Variants in S100B observed in about 807,000 individuals in gnomAD.
S100B encodes the protein S100 calcium binding protein B, also known as protein S100-B.
A neutral mutation model predicts 7.7 loss-of-function variants in S100B; 6 were observed. The observed-to-expected ratio is 0.78, with a 90% CI of 0.43 to 1.54. The LOEUF (loss-of-function observed/expected upper bound fraction) is 1.54, where lower values mean the gene tolerates loss of function less well. Among genes scored for constraint, S100B ranks in the 40% most tolerant of loss-of-function variants. The probability of loss-of-function intolerance (pLI) is 0.01; values close to 1 mark genes in which losing one functional copy is unlikely to be tolerated. For missense variants in S100B, 99 were observed against 111.8 expected, an observed-to-expected ratio of 0.89 and a Z score of 0.52; for synonymous variants, 36 against 40.4, an observed-to-expected ratio of 0.89 and a Z score of 0.41.
chr21:46,601,521 C>T (rs2300405), intron 2 of S100B, among the ~76,000 whole-genome samples: 41,555 of 152,044 alleles, frequency 0.27, 6,280 homozygotes, highest in Middle Eastern at 0.35. Flanking sequence ...ACAGTGGAGA[C>T]GGTGGGTAGG....
chr21:46,599,891 A>G (rs557465504), intron 2 of S100B, among the ~76,000 whole-genome samples: 9 of 152,350 alleles, frequency 5.9e-5, no homozygotes, highest in East Asian at 1.9e-4. Flanking sequence ...CCCTGTCTCA[A>G]AGGCTTCCAG....
At chr21:46,602,634 C>G in intron 1 of S100B, 1 of 480,778 alleles carries the variant, frequency 2.1e-6, no homozygotes, top group Admixed American at 3.9e-5. Context: ...GTGGGCCTGC[C>G]TTCTCTGTCC....
At chr21:46,600,296 C>G (rs1379427011) in intron 2 of S100B, 1 of 411,352 alleles carries the variant, frequency 2.4e-6, no homozygotes, top group Non-Finnish European at 4.9e-6. Flanking sequence ...AATCCCAGCA[C>G]TTTGGGAAGC....
chr21:46,603,398 T>TGGGGGGGGCGGGGGGGGC lies in S100B; in HGVS notation c.-1-983_-1-982insGCCCCCCCCGCCCCCCCC. Among the ~76,000 whole-genome samples the TGGGGGGGGCGGGGGGGGC allele has an allele frequency of 1.3e-3, 70 of 52,124 alleles. 2 individuals are homozygous for TGGGGGGGGCGGGGGGGGC. Among genetic ancestry groups the TGGGGGGGGCGGGGGGGGC allele is most frequent in the African/African-American group, 4.8e-3 (68 of 14,128 alleles). 34.2% of individuals were successfully genotyped at this position (52,124 alleles called of 152,430 possible). On this transcript the variant is annotated intron_variant, in intron 1 of 2. Transcript: ENST00000291700. ...CAGTGACTGGGACGGCGGGAGGGGG[T>TGGGGGGGGCGGGGGGGGC]GGGGGCAGGAATAGGTGTTTCTCTG...
chr21:46,602,567 G>A lies in S100B; in HGVS notation c.-1-151C>T, dbSNP rs766862687. The A allele has an allele frequency of 1.3e-4, 94 of 703,774 alleles. 1 individual carries two copies. Among genetic ancestry groups the A allele is most frequent in the Non-Finnish European group, 1.9e-4 (84 of 446,778 alleles). 43.6% of individuals were successfully genotyped at this position (703,774 alleles called of 1,614,324 possible). On this transcript the variant is annotated intron_variant, in intron 1 of 2. Transcript: ENST00000291700. ...CAGAGCAGCAGGCATGGCCTGGAGG[G>A]GCATTCTGGGAATTTGCACTTTTAT...
Position 46,599,024 on chromosome 21 carries a change from C to T in S100B, c.*339G>A, listed in dbSNP as rs1378761969. ...TTTTAAGGGTGCCCCGGGGTAATTTCTGTAGTCAGGGTTCCCTCCGGGTTA... is the reference window on the plus strand; with the variant it reads ...TTTTAAGGGTGCCCCGGGGTAATTTTTGTAGTCAGGGTTCCCTCCGGGTTA... On this transcript the variant is annotated 3_prime_UTR_variant, in exon 3 of 3. Coordinates refer to ENST00000291700, the MANE Select transcript of S100B (RefSeq NM_006272.3). 7.7e-6 allele frequency: 2 copies of T among 258,608 alleles called. No individual in the cohort carries two copies. The highest frequency in any genetic ancestry group is 1.4e-5 in the Non-Finnish European group (2 of 139,290). 16.0% of individuals were successfully genotyped at this position (258,608 alleles called of 1,614,324 possible).
At chr21:46,601,067 C>A (rs958069335) in intron 2 of S100B, among the ~76,000 whole-genome samples, 4 of 152,196 alleles carry the variant, frequency 2.6e-5, no homozygotes, top group Non-Finnish European at 4.4e-5. Context: ...CTGAACCATT[C>A]ACGGTGGGGC....
chr21:46,603,213 G>A (rs2061046471), intron 1 of S100B, among the ~76,000 whole-genome samples: 1 of 151,700 alleles, frequency 6.6e-6, no homozygotes, highest in African/African-American at 2.4e-5. Flanking sequence ...AAGAATAACA[G>A]TGAAAGTTAT....
rs747614225 is a variant in S100B at position 46,602,282 on chromosome 21, A to G, written c.134T>C (p.Leu45Ser). 20 of 1,613,024 alleles carry G rather than the reference A, an allele frequency of 1.2e-5. No homozygotes were observed. The highest frequency in any genetic ancestry group is 1.7e-5 in the Non-Finnish European group (20 of 1,179,562). ...AGTTTAAAAAGCAAGACTCACCTCTAAGAAATGGGAAAGCTCATTGTTGAT... is the reference window on the plus strand; with the variant it reads ...AGTTTAAAAAGCAAGACTCACCTCTGAGAAATGGGAAAGCTCATTGTTGAT... ...ELINNELSHF[L>S]EEIKEQEVVD... Residue 45 changes from leucine (L) to serine (S), a missense_variant, in exon 2 of 3, where the codon TTA becomes TCA. Coordinates refer to ENST00000291700, the MANE Select transcript of S100B (RefSeq NM_006272.3).
At chr21:46,601,284 G>T (rs566389060) in intron 2 of S100B, among the ~76,000 whole-genome samples, 1 of 152,312 alleles carries the variant, frequency 6.6e-6, no homozygotes, top group South Asian at 2.1e-4. Context: ...ACACTAGTGC[G>T]CTGGCTCATT....
At position 46,598,755 on chromosome 21, in the gene S100B, G is replaced by A. The variant is rs796660228; in HGVS notation, c.*608C>T. Among the ~76,000 whole-genome samples, 27 of 152,358 alleles carry A rather than the reference G, an allele frequency of 1.8e-4. No homozygotes were observed. The highest frequency in any genetic ancestry group is 6.3e-4 in the African/African-American group (26 of 41,596). On this transcript the variant is annotated 3_prime_UTR_variant, in exon 3 of 3. Coordinates refer to ENST00000291700, the MANE Select transcript of S100B (RefSeq NM_006272.3). ...TCGCATGGGTCACGGAGGCCACGCT[G>A]GAGCCCCCAGAGCTGGCTCGGATTG... is the stretch of plus-strand genomic sequence containing the variant.
Position 46,602,418 on chromosome 21 carries a change from T to C in S100B, c.-1-2A>G. 1 of 1,611,106 alleles carries C rather than the reference T, an allele frequency of 6.2e-7. No homozygotes were observed. The highest frequency in any genetic ancestry group is 8.5e-7 in the Non-Finnish European group (1 of 1,179,086). ...ATGGCCTTCTCCAGCTCAGACATCCTAGGGGCTCGCAAAGGAAAGTTGCCT... is the reference window on the plus strand; with the variant it reads ...ATGGCCTTCTCCAGCTCAGACATCCCAGGGGCTCGCAAAGGAAAGTTGCCT... On this transcript the variant is annotated splice_acceptor_variant, in intron 1 of 2. Transcript: ENST00000291700. LOFTEE classifies it low-confidence loss of function (5UTR_SPLICE).
intron 2 of S100B, among the ~76,000 whole-genome samples, chr21:46,601,741 G>A (rs1353668403): frequency 1.3e-5 from 2 of 152,200 alleles, no homozygotes; most frequent in African/African-American, 4.8e-5. Flanking sequence ...CCCCTGTCAC[G>A]TCCTCAGTTA....
At chr21:46,602,917 G>C (rs9984699) in intron 1 of S100B, 8,432 of 154,152 alleles carry the variant, frequency 0.055, 653 homozygotes, top group African/African-American at 0.17. Context: ...AAAATCAATA[G>C]CATTCCTATA....
At chr21:46,601,804 G>A (rs73907533) in intron 2 of S100B, among the ~76,000 whole-genome samples, 5,605 of 152,338 alleles carry the variant, frequency 0.037, 325 homozygotes, top group African/African-American at 0.13. Context: ...CAGAGCAGAA[G>A]CCATGTCTGT....
chr21:46,600,131 G>C, intron 2 of S100B: 1 of 243,872 alleles, frequency 4.1e-6, no homozygotes, highest in Non-Finnish European at 8.1e-6. Context: ...AACGTGGTGG[G>C]AAAAATTTGG....
chr21:46,599,314 T>C lies in S100B; in HGVS notation c.*49A>G, dbSNP rs371045788. 2.5e-6 allele frequency: 4 copies of C among 1,581,408 alleles called. No homozygotes were observed. Among genetic ancestry groups the C allele is most frequent in the Non-Finnish European group, 3.5e-6 (4 of 1,156,542 alleles). ...GGCTGCAAGCCCTTGCTGTCTGCTTTCTTGCATGACCGTCTCTGTTACAGG... is the reference window on the plus strand; with the variant it reads ...GGCTGCAAGCCCTTGCTGTCTGCTTCCTTGCATGACCGTCTCTGTTACAGG... On this transcript the variant is annotated 3_prime_UTR_variant, in exon 3 of 3. Coordinates refer to ENST00000291700, the MANE Select transcript of S100B (RefSeq NM_006272.3).
chr21:46,604,142 C>G (rs1474407666), intron 1 of S100B, among the ~76,000 whole-genome samples: 2 of 152,076 alleles, frequency 1.3e-5, no homozygotes, highest in African/African-American at 4.8e-5. Flanking sequence ...TAATAGAAAC[C>G]ACTAGAAAAT....
At chr21:46,603,258 T>C (rs1264456564) in intron 1 of S100B, among the ~76,000 whole-genome samples, 12 of 151,514 alleles carry the variant, frequency 7.9e-5, no homozygotes. Context: ...TATCCTAAGT[T>C]TAACTGATCA....
Sources: gnomAD v4.1 joint callset for allele counts (sites outside exome capture counted in the v4.1 genomes callset) on GRCh38, gnomAD v4.1.1 for gene constraint, MANE v1.5 for transcripts, NCBI Gene and HGNC (gene_info 2026-07-23, HGNC 2026-07-21) for gene names.